Variants in NPAS3 observed in about 807,000 individuals in gnomAD.
NPAS3 encodes the protein neuronal PAS domain-containing protein 3.
In NPAS3, 14 loss-of-function variants were observed where a neutral mutation model predicts 73.1. That is an observed-to-expected ratio of 0.19 (90% CI 0.13 to 0.30). The LOEUF is 0.30. Ranked by LOEUF, NPAS3 falls within the 10% of genes least tolerant of loss-of-function variation. NPAS3 has a pLI of 1.00. For synonymous variants in NPAS3, 620 were observed against 541.5 expected (o/e 1.14, Z -2.01); for missense variants, 1,096 against 1,250.0 (o/e 0.88, Z 1.86).
chr14:33,527,893 T>G (rs948508770), intron 4 of NPAS3, among the ~76,000 whole-genome samples: 2 of 152,112 alleles, frequency 1.3e-5, no homozygotes, highest in African/African-American at 4.8e-5. Flanking sequence ...GAGCAATGGC[T>G]GTTTCAACAG....
chr14:33,538,611 T>G (rs979706149), intron 4 of NPAS3, among the ~76,000 whole-genome samples: 16 of 152,232 alleles, frequency 1.1e-4, no homozygotes, highest in African/African-American at 3.6e-4. Context: ...TTAGGACTTA[T>G]GAGAATTATT....
chr14:33,236,551 A>G (rs889556154), intron 3 of NPAS3, among the ~76,000 whole-genome samples: 44 of 152,236 alleles, frequency 2.9e-4, no homozygotes, highest in African/African-American at 1.0e-3. Flanking sequence ...AGAGCATCGA[A>G]TATCAGGTGC....
chr14:33,310,836 A>ACACAC (rs2042974206), intron 3 of NPAS3, among the ~76,000 whole-genome samples: 1 of 128,900 alleles, frequency 7.8e-6, no homozygotes, highest in Non-Finnish European at 1.8e-5. Context: ...CACACACACA[A>ACACAC]ATACTTCAGA....
At chr14:33,138,514 A>G (rs577626439) in intron 2 of NPAS3, among the ~76,000 whole-genome samples, 1 of 152,168 alleles carries the variant, frequency 6.6e-6, no homozygotes, top group Non-Finnish European at 1.5e-5. Flanking sequence ...AGGATGGAAA[A>G]AAAGTACATC....
intron 3 of NPAS3, among the ~76,000 whole-genome samples, chr14:33,268,123 G>C (rs1387102457): frequency 1.3e-5 from 2 of 151,492 alleles, no homozygotes; most frequent in African/African-American, 4.9e-5. Flanking sequence ...CTTGGCCCCA[G>C]GTGATTTAAC....
chr14:33,068,172 A>G (rs1390313274), intron 2 of NPAS3, among the ~76,000 whole-genome samples: 1 of 152,234 alleles, frequency 6.6e-6, no homozygotes, highest in African/African-American at 2.4e-5. Context: ...TGTTTCTAAC[A>G]TATTTTCCTG....
chr14:33,302,361 C>G (rs1045036979), intron 3 of NPAS3, among the ~76,000 whole-genome samples: 1 of 152,056 alleles, frequency 6.6e-6, no homozygotes, highest in African/African-American at 2.4e-5. Flanking sequence ...CCTAGTCCTG[C>G]AGCTGGGACT....
At position 33,735,697 on chromosome 14, in the gene NPAS3, G is replaced by A. The variant is rs372845823; in HGVS notation, c.852+365G>A. 9.2e-5 allele frequency among the ~76,000 whole-genome samples: 14 copies of A among 151,972 alleles called. No homozygotes were observed. The East Asian group carries it at 1.7e-3, about 19-fold the overall frequency. On this transcript the variant is annotated intron_variant, in intron 7 of 11. Transcript: ENST00000356141. ...TACTTAGGAGAGTTCCACTTCTCTC[G>A]CTTTCCCCTTCAAATTCTCCCTTTC...
At chr14:33,121,876 T>C (rs2043242536) in intron 2 of NPAS3, among the ~76,000 whole-genome samples, 1 of 152,136 alleles carries the variant, frequency 6.6e-6, no homozygotes, top group South Asian at 2.1e-4. Flanking sequence ...CACGTGGAAA[T>C]TGTATCTCAC....
At chr14:33,562,899 G>GCACACACACACACACACACACACA (rs56063953) in intron 5 of NPAS3, among the ~76,000 whole-genome samples, 6 of 149,824 alleles carry the variant, frequency 4.0e-5, no homozygotes, top group African/African-American at 1.2e-4. Context: ...TCTTTTATGA[G>GCACACACACACACACACACACACA]CACACACACA....
At chr14:32,964,721 A>T (rs1475146169) in intron 1 of NPAS3, among the ~76,000 whole-genome samples, 2 of 152,170 alleles carry the variant, frequency 1.3e-5, no homozygotes, top group Non-Finnish European at 2.9e-5. Flanking sequence ...TCACGCCTGT[A>T]ATCCTAGCAC....
intron 4 of NPAS3, among the ~76,000 whole-genome samples, chr14:33,506,680 A>G (rs2052779401): frequency 6.6e-6 from 1 of 152,080 alleles, no homozygotes. Context: ...GCCATAGGCT[A>G]TGATCCAGTT....
At chr14:33,113,479 A>G (rs1279326) in intron 2 of NPAS3, among the ~76,000 whole-genome samples, 72,134 of 151,778 alleles carry the variant, frequency 0.48, 17,807 homozygotes, top group South Asian at 0.62. Context: ...GTCTGTTATT[A>G]GTGTATAAGA....
chr14:33,176,889 TC>T (rs1451133913), intron 2 of NPAS3, among the ~76,000 whole-genome samples: 1 of 151,998 alleles, frequency 6.6e-6, no homozygotes, highest in African/African-American at 2.4e-5. Context: ...TTGTTATTTT[TC>T]TTTTTTCTTT....
chr14:33,204,091 A>G (rs147942164), intron 2 of NPAS3, among the ~76,000 whole-genome samples: 1 of 152,112 alleles, frequency 6.6e-6, no homozygotes, highest in African/African-American at 2.4e-5. Context: ...GCATTTTTTC[A>G]TGTGTCTTTT....
intron 9 of NPAS3, among the ~76,000 whole-genome samples, chr14:33,786,037 C>T (rs566969566): frequency 2.6e-5 from 4 of 152,260 alleles, no homozygotes; most frequent in South Asian, 2.1e-4. Context: ...CTCATAGTCC[C>T]GTGTGTCGAG....
At chr14:33,177,503 A>C (rs1272982520) in intron 2 of NPAS3, among the ~76,000 whole-genome samples, 1 of 152,164 alleles carries the variant, frequency 6.6e-6, no homozygotes, top group Non-Finnish European at 1.5e-5. Context: ...TAATGTAAAA[A>C]AAAAGATTTA....
intron 3 of NPAS3, among the ~76,000 whole-genome samples, chr14:33,300,804 A>G (rs1046335895): frequency 5.3e-5 from 8 of 152,148 alleles, no homozygotes; most frequent in East Asian, 1.9e-4. Flanking sequence ...GACATCTGTT[A>G]GGGACCGTAT....
At chr14:33,538,743 G>A (rs2054368681) in intron 4 of NPAS3, among the ~76,000 whole-genome samples, 1 of 152,172 alleles carries the variant, frequency 6.6e-6, no homozygotes, top group Admixed American at 6.5e-5. Flanking sequence ...TGATTAAAAT[G>A]AAAAGTTTTT....
Sources: allele counts gnomAD v4.1 joint callset (sites outside exome capture counted in the v4.1 genomes callset), GRCh38; gene constraint gnomAD v4.1.1; transcripts MANE v1.5; gene names NCBI Gene and HGNC (gene_info 2026-07-23, HGNC 2026-07-21).